The following PDLIM5 variants were observed in gnomAD, a reference collection of about 807,000 sequenced individuals.
PDLIM5 encodes the protein PDZ and LIM domain protein 5.
In PDLIM5, 34 loss-of-function variants were observed where a neutral mutation model predicts 64.2. The ratio of observed to expected loss-of-function variants is 0.53; its 90% confidence interval spans 0.40 to 0.71. The LOEUF is 0.71. PDLIM5 is among the 30% of genes least tolerant of loss of function. The probability of loss-of-function intolerance (pLI) is 0.00; values close to 1 mark genes in which losing one functional copy is unlikely to be tolerated. For synonymous variants in PDLIM5, 253 were observed against 269.1 expected, an observed-to-expected ratio of 0.94 and a Z score of 0.59; for missense variants, 683 against 733.6, an observed-to-expected ratio of 0.93 and a Z score of 0.80.
At chr4:94,572,281 A>G (rs1365334931) in intron 3 of PDLIM5, among the ~76,000 whole-genome samples, 1 of 152,204 alleles carries the variant, frequency 6.6e-6, no homozygotes, top group East Asian at 1.9e-4. Flanking sequence ...CTGGCATATT[A>G]AACATAACAT....
rs78695481 is a variant in PDLIM5, at chr4:94,591,580, G to A, written c.920+5136G>A. ...TCAAGACCCTAGGCTTGGTGGTGCT[G>A]CCCACATGCAGTGAACTAATTGATA... On this transcript the variant is annotated intron_variant, in intron 7 of 12. Transcript: ENST00000317968. Among the ~76,000 whole-genome samples the A allele has an allele frequency of 3.6e-3, 554 of 152,306 alleles. 16 individuals are homozygous for A. The East Asian group carries it at 0.075, about 21-fold the overall frequency.
intron 2 of PDLIM5, among the ~76,000 whole-genome samples, chr4:94,457,609 A>G (rs1392999427): frequency 6.6e-6 from 1 of 152,268 alleles, no homozygotes; most frequent in Non-Finnish European, 1.5e-5. Context: ...AGCCAAACTT[A>G]ATTATCACTT....
rs1658654763 is a variant in PDLIM5 at position 94,664,496 on chromosome 4, A to G, written c.*429A>G. 1.4e-6 allele frequency: 1 copy of G among 723,358 alleles called. No individual in the cohort carries two copies. The highest frequency in any genetic ancestry group is 6.3e-5 in the Admixed American group (1 of 15,930). 44.8% of individuals were successfully genotyped at this position (723,358 alleles called of 1,614,324 possible). A position where few individuals can be genotyped will look rare whatever the true frequency, so the allele number is the denominator to read the frequency against. On this transcript the variant is annotated 3_prime_UTR_variant, in exon 13 of 13. Transcript: ENST00000317968. ...AATAACAGAATTATTGTATTTAAAA[A>G]AAAACTAATACTTATCTTTAAAATA...
At chr4:94,597,465 G>A (rs1024439277) in intron 7 of PDLIM5, among the ~76,000 whole-genome samples, 6 of 152,134 alleles carry the variant, frequency 3.9e-5, no homozygotes, top group African/African-American at 1.4e-4. Context: ...TCTATTCAAG[G>A]GATAAGTAAA....
At chr4:94,504,905 G>A (rs1259560685) in intron 2 of PDLIM5, among the ~76,000 whole-genome samples, 3 of 152,116 alleles carry the variant, frequency 2.0e-5, no homozygotes, top group Non-Finnish European at 2.9e-5. Context: ...CTTACTTAGA[G>A]GATTATTAGA....
At chr4:94,465,385 G>C (rs72874791) in intron 2 of PDLIM5, among the ~76,000 whole-genome samples, 2,950 of 152,128 alleles carry the variant, frequency 0.019, 74 homozygotes, top group African/African-American at 0.061. Context: ...CCATGGGGAA[G>C]TGTGATTTTA....
intron 9 of PDLIM5, among the ~76,000 whole-genome samples, chr4:94,646,087 G>A (rs764941007): frequency 6.6e-6 from 1 of 152,098 alleles, no homozygotes; most frequent in Non-Finnish European, 1.5e-5. Flanking sequence ...TGAGTATTTT[G>A]TGTGCCGCTG....
chr4:94,467,153 G>A (rs750544447), intron 2 of PDLIM5, among the ~76,000 whole-genome samples: 2 of 152,090 alleles, frequency 1.3e-5, no homozygotes, highest in Non-Finnish European at 2.9e-5. Context: ...AAACCCCCGA[G>A]TCTTATTTAT....
At chr4:94,616,335 T>A (rs1273377876) in intron 7 of PDLIM5, among the ~76,000 whole-genome samples, 1 of 152,238 alleles carries the variant, frequency 6.6e-6, no homozygotes, top group Non-Finnish European at 1.5e-5. Flanking sequence ...TATGTAATTA[T>A]CCTTTTAATA....
At chr4:94,663,817 T>C (rs553335188) in intron 12 of PDLIM5, among the ~76,000 whole-genome samples, 161 bp from the exon 13 acceptor site, 8 of 152,340 alleles carry the variant, frequency 5.3e-5, no homozygotes, top group African/African-American at 7.2e-5. Context: ...TCTAATGTTA[T>C]AGTAATCGTC....
At chr4:94,480,709 T>G (rs1384051475) in intron 2 of PDLIM5, among the ~76,000 whole-genome samples, 1 of 152,188 alleles carries the variant, frequency 6.6e-6, no homozygotes. Flanking sequence ...TTGCCTTTTA[T>G]TGGTGGGACC....
At chr4:94,511,500 A>G (rs1334661674) in intron 2 of PDLIM5, among the ~76,000 whole-genome samples, 1 of 152,058 alleles carries the variant, frequency 6.6e-6, no homozygotes, top group African/African-American at 2.4e-5. Flanking sequence ...AAAATGTACA[A>G]TTAAGTTATT....
intron 8 of PDLIM5, among the ~76,000 whole-genome samples, chr4:94,632,732 CAGGGAGGCGGAAGAG>C (rs1050223388): frequency 2.6e-5 from 4 of 152,116 alleles, no homozygotes; most frequent in Admixed American, 2.0e-4. Flanking sequence ...AGTGGAAGAG[CAGGGAGGCGGAAGAG>C]AGGATCAGAG....
chr4:94,502,275 T>C (rs1727994859), intron 2 of PDLIM5, among the ~76,000 whole-genome samples: 1 of 152,166 alleles, frequency 6.6e-6, no homozygotes, highest in Admixed American at 6.5e-5. Context: ...TCCTGACTTA[T>C]CCAGCCTACT....
At chr4:94,455,036 A>T (rs892211973) in intron 1 of PDLIM5, among the ~76,000 whole-genome samples, 9 of 152,346 alleles carry the variant, frequency 5.9e-5, no homozygotes, top group Non-Finnish European at 1.0e-4. Flanking sequence ...ATGTATTCTG[A>T]TATGGAATTT....
At chr4:94,474,077 C>T (rs1243912140) in intron 2 of PDLIM5, among the ~76,000 whole-genome samples, 3 of 152,152 alleles carry the variant, frequency 2.0e-5, no homozygotes, top group Non-Finnish European at 4.4e-5. Flanking sequence ...ACCAAAGTAA[C>T]ATGCAGATTA....
intron 5 of PDLIM5, chr4:94,577,247 A>C (rs1410176963): frequency 2.2e-6 from 1 of 456,960 alleles, no homozygotes; most frequent in East Asian, 6.9e-5. Context: ...ACTTGTGTGG[A>C]TAGGTCCATT....
chr4:94,601,937 T>C (rs1227800007), intron 7 of PDLIM5, among the ~76,000 whole-genome samples: 1 of 152,218 alleles, frequency 6.6e-6, no homozygotes, highest in Non-Finnish European at 1.5e-5. Context: ...CAGAAAATAC[T>C]TATTTTTTTC....
intron 3 of PDLIM5, among the ~76,000 whole-genome samples, chr4:94,528,472 T>C (rs912135986): frequency 1.3e-5 from 2 of 152,234 alleles, no homozygotes; most frequent in Non-Finnish European, 2.9e-5. Flanking sequence ...TTAGTCGTGG[T>C]TCTCCAAGAA....
Sources: allele counts gnomAD v4.1 joint callset (sites outside exome capture counted in the v4.1 genomes callset), GRCh38; gene constraint gnomAD v4.1.1; transcripts MANE v1.5; gene names NCBI Gene and HGNC (gene_info 2026-07-23, HGNC 2026-07-21).